Variants in FAM241A observed in about 807,000 individuals in gnomAD.
FAM241A encodes the protein uncharacterized protein FAM241A.
Under a neutral mutation model 12.2 loss-of-function variants are expected in FAM241A, and 7 were observed. The ratio of observed to expected loss-of-function variants is 0.58; its 90% CI spans 0.33 to 1.08. The LOEUF is 1.08. FAM241A is among the 50% of genes least tolerant of loss of function. The pLI is 0.04. For missense variants in FAM241A, 161 were observed against 169.7 expected, an observed-to-expected ratio of 0.95 and a Z score of 0.29; for synonymous variants, 74 against 68.2, an observed-to-expected ratio of 1.08 and a Z score of -0.42.
At chr4:112,179,041 G>A (rs1250653003) in intron 1 of FAM241A, among the ~76,000 whole-genome samples, 3 of 152,172 alleles carry the variant, frequency 2.0e-5, no homozygotes, top group Non-Finnish European at 2.9e-5. Context: ...AATTAGTTCA[G>A]CCACTGTGGA....
At position 112,190,585 on chromosome 4, in the gene FAM241A, G is replaced by A. The variant is rs1407162163; in HGVS notation, c.*3647G>A. ...GTGGTGGTGCATGCCTGTAATCTCAGCTACTCAGGAGGCTGAGGCAGGAGA... is the reference window on the plus strand; with the variant it reads ...GTGGTGGTGCATGCCTGTAATCTCAACTACTCAGGAGGCTGAGGCAGGAGA... On this transcript the variant is annotated 3_prime_UTR_variant, in exon 2 of 2. Coordinates refer to ENST00000309733, the MANE Select transcript of FAM241A (RefSeq NM_152400.3). 1 of 150,462 alleles carries A rather than the reference G, an allele frequency of 6.6e-6. No homozygotes were observed. The highest frequency in any genetic ancestry group is 2.5e-5 in the African/African-American group (1 of 40,766). The allele number at this position is 150,462 out of a possible 1,614,324, so 9.3% of individuals were successfully genotyped here.
At chr4:112,156,251 T>C (rs533457230) in intron 1 of FAM241A, among the ~76,000 whole-genome samples, 1 of 152,164 alleles carries the variant, frequency 6.6e-6, no homozygotes, top group Non-Finnish European at 1.5e-5. Flanking sequence ...GTCATTTGCC[T>C]GGAACTCTTC....
intron 1 of FAM241A, among the ~76,000 whole-genome samples, chr4:112,151,847 A>G (rs932083699): frequency 6.6e-6 from 1 of 152,216 alleles, no homozygotes. Context: ...TCCGAACACC[A>G]AAGCTAGTGT....
chr4:112,186,673 CTTTTT>C lies in FAM241A; in HGVS notation c.154-9_154-5del. 1 of 1,432,202 alleles carries C rather than the reference CTTTTT, an allele frequency of 7.0e-7. No homozygotes were observed. The allele number at this position is 1,432,202 out of a possible 1,614,324, so 88.7% of individuals were successfully genotyped here. A position where few individuals can be genotyped will look rare whatever the true frequency, so the allele number is the denominator to read the frequency against. ...TTCTCATGTTATGTTCATGTTTTGT[CTTTTT>C]TTTTTTTTTTAAAGGATGTTGAAGA... On this transcript the variant is annotated splice_polypyrimidine_tract_variant and intron_variant, in intron 1 of 1. Coordinates refer to ENST00000309733, the MANE Select transcript of FAM241A (RefSeq NM_152400.3).
chr4:112,184,726 A>C (rs1423241414), intron 1 of FAM241A, among the ~76,000 whole-genome samples: 1 of 152,024 alleles, frequency 6.6e-6, no homozygotes, highest in East Asian at 1.9e-4. Flanking sequence ...ATTTTGTCTG[A>C]TTTTCTATTT....
At chr4:112,176,984 T>G (rs534904615) in intron 1 of FAM241A, among the ~76,000 whole-genome samples, 36 of 152,324 alleles carry the variant, frequency 2.4e-4, no homozygotes, top group Admixed American at 1.6e-3. Context: ...GGTTTGCTTA[T>G]TGTTTGTTGG....
intron 1 of FAM241A, among the ~76,000 whole-genome samples, chr4:112,179,441 A>G (rs941289587): frequency 1.3e-5 from 2 of 152,142 alleles, no homozygotes. Flanking sequence ...CATCATTCTC[A>G]GCAAACTATC....
At chr4:112,161,986 C>G (rs1018559716) in intron 1 of FAM241A, among the ~76,000 whole-genome samples, 3 of 152,160 alleles carry the variant, frequency 2.0e-5, no homozygotes, top group African/African-American at 7.2e-5. Context: ...TCATCCCTGG[C>G]ATGCAAGGCT....
At chr4:112,182,887 TA>T (rs1723967320) in intron 1 of FAM241A, among the ~76,000 whole-genome samples, 1 of 152,144 alleles carries the variant, frequency 6.6e-6, no homozygotes, top group South Asian at 2.1e-4. Flanking sequence ...CCTAGATACA[TA>T]AAATACTGTA....
rs1339956540 is a variant in FAM241A at position 112,192,103 on chromosome 4, T to G, written c.*5165T>G. Reference sequence around the variant, plus strand: ...ATGGGTTGATGTATACATTATAATTTATAAAGCTATTCACTTCTGATAAAA... The same window carrying G: ...ATGGGTTGATGTATACATTATAATTGATAAAGCTATTCACTTCTGATAAAA... On this transcript the variant is annotated 3_prime_UTR_variant, in exon 2 of 2. Coordinates refer to ENST00000309733, the MANE Select transcript of FAM241A (RefSeq NM_152400.3). 1 of 152,182 alleles carries G rather than the reference T, an allele frequency of 6.6e-6. No individual in the cohort carries two copies. The highest frequency in any genetic ancestry group is 2.4e-5 in the African/African-American group (1 of 41,416). The allele number at this position is 152,182 out of a possible 1,614,324, so 9.4% of individuals were successfully genotyped here.
At position 112,191,338 on chromosome 4, in the gene FAM241A, ACCTT is replaced by A. The variant is rs1724161499; in HGVS notation, c.*4402_*4405del. On this transcript the variant is annotated 3_prime_UTR_variant, in exon 2 of 2. Coordinates refer to ENST00000309733, the MANE Select transcript of FAM241A (RefSeq NM_152400.3). ...GCTGAGAATCCTGATTAGCCTCCCT[ACCTT>A]CATTTTCCACTTTGTAGTTACAGAT... is the stretch of plus-strand genomic sequence containing the variant. The A allele has an allele frequency of 6.6e-6, 1 of 152,144 alleles. No individual in the cohort carries two copies. The allele number at this position is 152,144 out of a possible 1,614,324, so 9.4% of individuals were successfully genotyped here. A position where few individuals can be genotyped will look rare whatever the true frequency, so the allele number is the denominator to read the frequency against.
rs531618051 is a variant in FAM241A, at chr4:112,190,650, G to A, written c.*3712G>A. ...GAAGCCAAAGTTTGCAGTGAGCCAAGATTATGCCCTTGCACTCAATCTGGG... is the reference window on the plus strand; with the variant it reads ...GAAGCCAAAGTTTGCAGTGAGCCAAAATTATGCCCTTGCACTCAATCTGGG... On this transcript the variant is annotated 3_prime_UTR_variant, in exon 2 of 2. Coordinates refer to ENST00000309733, the MANE Select transcript of FAM241A (RefSeq NM_152400.3). The A allele has an allele frequency of 6.8e-6, 1 of 147,722 alleles. No individual in the cohort carries two copies. The highest frequency in any genetic ancestry group is 1.5e-5 in the Non-Finnish European group (1 of 67,560). The allele number at this position is 147,722 out of a possible 1,614,324, so 9.2% of individuals were successfully genotyped here.
chr4:112,165,268 G>T (rs186318555), intron 1 of FAM241A, among the ~76,000 whole-genome samples: 1 of 152,294 alleles, frequency 6.6e-6, no homozygotes, highest in African/African-American at 2.4e-5. Flanking sequence ...TACTAGTGAG[G>T]ATGTGGAGAA....
intron 1 of FAM241A, among the ~76,000 whole-genome samples, chr4:112,181,164 T>A (rs537139314): frequency 9.2e-4 from 140 of 152,298 alleles, no homozygotes; most frequent in Non-Finnish European, 1.7e-3. Flanking sequence ...ACCTGAAGAA[T>A]GAAGGCTGGA....
At chr4:112,163,444 A>G (rs1444406878) in intron 1 of FAM241A, among the ~76,000 whole-genome samples, 1 of 152,230 alleles carries the variant, frequency 6.6e-6, no homozygotes, top group Non-Finnish European at 1.5e-5. Context: ...ATCTACAAAG[A>G]ACTCAGACAA....
intron 1 of FAM241A, among the ~76,000 whole-genome samples, chr4:112,162,663 C>A (rs7690225): frequency 3.3e-5 from 5 of 152,006 alleles, no homozygotes; most frequent in Non-Finnish European, 5.9e-5. Flanking sequence ...TAAAAGAGGA[C>A]ACAACCAAAT....
At chr4:112,156,516 C>T (rs111429949) in intron 1 of FAM241A, among the ~76,000 whole-genome samples, 6 of 152,336 alleles carry the variant, frequency 3.9e-5, no homozygotes, top group African/African-American at 1.4e-4. Flanking sequence ...ACAGAGATTA[C>T]ATTATATGGC....
intron 1 of FAM241A, among the ~76,000 whole-genome samples, chr4:112,179,914 G>GAT (rs34513702): frequency 0.029 from 3,471 of 117,742 alleles, 93 homozygotes; most frequent in Non-Finnish European, 0.034. Context: ...AAGAAAATGT[G>GAT]ATATATATAT....
At chr4:112,161,968 A>G (rs994473279) in intron 1 of FAM241A, among the ~76,000 whole-genome samples, 9 of 152,204 alleles carry the variant, frequency 5.9e-5, no homozygotes, top group African/African-American at 2.2e-4. Context: ...ACCACTATCA[A>G]GTGGGCTTCA....
Sources: allele counts gnomAD v4.1 joint callset (sites outside exome capture counted in the v4.1 genomes callset), GRCh38; gene constraint gnomAD v4.1.1; transcripts MANE v1.5; gene names NCBI Gene and HGNC (gene_info 2026-07-23, HGNC 2026-07-21).